RIN3: variants seen among roughly 807,000 people sequenced by gnomAD.
RIN3 encodes the protein Ras and Rab interactor 3.
A neutral mutation model predicts 76.3 loss-of-function variants in RIN3; 54 were observed. The observed-to-expected ratio is 0.71, with a 90% CI of 0.57 to 0.89. The LOEUF (loss-of-function observed/expected upper bound fraction) is 0.89. Among genes scored for constraint, RIN3 ranks in the 40% least tolerant of loss-of-function variants. The pLI is 0.00. For synonymous variants in RIN3, 576 were observed against 564.0 expected (o/e 1.02, Z -0.30); for missense variants, 1,256 against 1,322.1 (o/e 0.95, Z 0.78).
intron 1 of RIN3, among the ~76,000 whole-genome samples, chr14:92,531,039 G>A (rs1046229007): frequency 2.0e-5 from 3 of 152,132 alleles, no homozygotes; most frequent in Non-Finnish European, 4.4e-5. Context: ...TCATGCCTCA[G>A]GACTCCTCCT....
At chr14:92,651,435 G>A (rs930083439) in intron 5 of RIN3, 147 bp from the exon 6 acceptor site, 56 of 537,156 alleles carry the variant, frequency 1.0e-4, no homozygotes, top group Non-Finnish European at 1.6e-4. Flanking sequence ...GCGTCCAAGA[G>A]GGGAAAACAA....
At chr14:92,615,520 C>T (rs1239332761) in intron 4 of RIN3, 41 bp downstream of exon 4, 2 of 1,524,818 alleles carry the variant, frequency 1.3e-6, no homozygotes, top group Admixed American at 1.7e-5. Context: ...CTGGTTGTAG[C>T]AAACATCACA....
In RIN3 at chr14:92,656,624, G is replaced by A. The variant is rs138651268; in HGVS notation, c.2027-2537G>A. On this transcript the variant is annotated intron_variant, in intron 6 of 9. Transcript: ENST00000216487. This position sits in a 1 kb window ranked among gnomAD's most constrained non-coding sequence, Gnocchi z 5.2. ...CTAGACTTGGAGTTTGTCCTGGCAG[G>A]TGATATGGCAAAGTGTCACCAGAGC... Among the ~76,000 whole-genome samples the A allele has an allele frequency of 2.6e-5, 4 of 152,356 alleles. No individual in the cohort carries two copies. The highest frequency in any genetic ancestry group is 6.5e-5 in the Admixed American group (1 of 15,302).
intron 1 of RIN3, among the ~76,000 whole-genome samples, chr14:92,527,861 T>C (rs1308588701): frequency 1.3e-5 from 2 of 152,136 alleles, no homozygotes; most frequent in African/African-American, 4.8e-5. Context: ...AATATTTCGT[T>C]GTGTGGATCT....
chr14:92,645,351 T>C (rs1369768204), intron 5 of RIN3, among the ~76,000 whole-genome samples: 2 of 152,260 alleles, frequency 1.3e-5, no homozygotes, highest in Non-Finnish European at 2.9e-5. Context: ...TTATCTCATT[T>C]ATTTATGTAA....
intron 7 of RIN3, among the ~76,000 whole-genome samples, chr14:92,669,387 AGTTAAC>A (rs1888212572): frequency 6.6e-6 from 1 of 152,192 alleles, no homozygotes; most frequent in Non-Finnish European, 1.5e-5. Flanking sequence ...GGCCTCTCTG[AGTTAAC>A]GTGTGATATT....
At chr14:92,538,567 C>T (rs548124574) in intron 1 of RIN3, among the ~76,000 whole-genome samples, 8 of 152,288 alleles carry the variant, frequency 5.3e-5, no homozygotes, top group Admixed American at 6.5e-5. Context: ...CTGCAAGTCA[C>T]GTGGCAGTGA....
At chr14:92,628,621 C>T (rs1036477444) in intron 4 of RIN3, among the ~76,000 whole-genome samples, 3 of 152,256 alleles carry the variant, frequency 2.0e-5, no homozygotes, top group East Asian at 1.9e-4. Flanking sequence ...CTTCCTGTTC[C>T]GTGAACTTTA....
intron 4 of RIN3, among the ~76,000 whole-genome samples, chr14:92,618,142 T>C (rs7157844): frequency 0.04 from 6,151 of 152,220 alleles, 354 homozygotes; most frequent in African/African-American, 0.13. Flanking sequence ...TCCATCAAAG[T>C]ATAAGGTTCT....
chr14:92,533,164 T>A (rs1873506757), intron 1 of RIN3, among the ~76,000 whole-genome samples: 1 of 152,226 alleles, frequency 6.6e-6, no homozygotes, highest in African/African-American at 2.4e-5. Context: ...AATTCACATA[T>A]ACACTGAAAA....
chr14:92,561,038 A>ATATAT (rs1555383834), intron 2 of RIN3, among the ~76,000 whole-genome samples: 3 of 14,618 alleles, frequency 2.1e-4, no homozygotes, highest in African/African-American at 6.0e-4. Context: ...AAAAAAAAAA[A>ATATAT]AAAAAAATAT....
At chr14:92,561,111 A>T (rs1439416620) in intron 2 of RIN3, among the ~76,000 whole-genome samples, 10 of 113,710 alleles carry the variant, frequency 8.8e-5, no homozygotes, top group Non-Finnish European at 1.2e-4. Flanking sequence ...TGCCATATTT[A>T]TATATATTTA....
At chr14:92,654,323 AAAAG>A (rs1285196787) in intron 6 of RIN3, among the ~76,000 whole-genome samples, 12 of 113,196 alleles carry the variant, frequency 1.1e-4, no homozygotes, top group African/African-American at 3.8e-4. Context: ...TAAAAAAAAA[AAAAG>A]AAAAGAAAAG....
At chr14:92,659,652 A>G (rs1887807531) in intron 7 of RIN3, 183 bp downstream of exon 7, 1 of 526,332 alleles carries the variant, frequency 1.9e-6, no homozygotes, top group African/African-American at 1.9e-5. Flanking sequence ...TTACCTGGGG[A>G]CTGGGAGGAG....
chr14:92,570,969 T>C (rs1480380234), intron 2 of RIN3, among the ~76,000 whole-genome samples: 12 of 152,256 alleles, frequency 7.9e-5, no homozygotes, highest in Non-Finnish European at 1.3e-4. Flanking sequence ...TATTTGAAGT[T>C]CTGTCTAAAG....
chr14:92,628,820 C>T (rs1886451165), intron 4 of RIN3, among the ~76,000 whole-genome samples: 1 of 152,126 alleles, frequency 6.6e-6, no homozygotes, highest in Non-Finnish European at 1.5e-5. Context: ...AATCCCTTCC[C>T]ATTCTGGACA....
intron 8 of RIN3, among the ~76,000 whole-genome samples, chr14:92,680,063 A>T (rs1467644529): frequency 6.6e-6 from 1 of 152,186 alleles, no homozygotes; most frequent in Non-Finnish European, 1.5e-5. Flanking sequence ...TATGTCTCTC[A>T]GTTCTGGAGG....
At chr14:92,579,713 C>T (rs1898375244) in intron 3 of RIN3, among the ~76,000 whole-genome samples, 1 of 152,342 alleles carries the variant, frequency 6.6e-6, no homozygotes, top group African/African-American at 2.4e-5. Flanking sequence ...GTGCCTGGCA[C>T]TGGGAAGATG....
chr14:92,563,347 G>A (rs534754419), intron 2 of RIN3, among the ~76,000 whole-genome samples: 126 of 152,114 alleles, frequency 8.3e-4, no homozygotes, highest in African/African-American at 2.9e-3. Context: ...GGCAACAAGA[G>A]CAAAACTCTG....
Sources: gnomAD v4.1 joint callset for allele counts (sites outside exome capture counted in the v4.1 genomes callset) on GRCh38, gnomAD v4.1.1 for gene constraint, Gnocchi (gnomAD v3.1) non-coding constraint, MANE v1.5 for transcripts, NCBI Gene and HGNC (gene_info 2026-07-23, HGNC 2026-07-21) for gene names.